Variants in UBR4 observed in about 807,000 individuals in gnomAD.
UBR4 encodes the protein ubiquitin protein ligase E3 component n-recognin 4.
In UBR4, 124 loss-of-function variants were observed where a neutral mutation model predicts 575.6. The ratio of observed to expected loss-of-function variants is 0.22; its 90% CI spans 0.19 to 0.25. The LOEUF (loss-of-function observed/expected upper bound fraction) is 0.25, where lower values mean the gene tolerates loss of function less well. Among genes scored for constraint, UBR4 ranks in the 10% least tolerant of loss-of-function variants. UBR4 has a pLI of 1.00. For synonymous variants in UBR4, 2,455 were observed against 2,473.7 expected, an observed-to-expected ratio of 0.99 and a Z score of 0.22; for missense variants, 4,818 against 6,478.8, an observed-to-expected ratio of 0.74 and a Z score of 8.80.
rs183016904 is a variant in UBR4, at chr1:19,134,739, T to C, written c.8906+3268A>G. ...CCTCCTCTGTGGACAGTGGGGAAGG[T>C]CTTCAAAGAGAACCTCACAGAAGAA... On this transcript the variant is annotated intron_variant, in intron 60 of 105. Transcript: ENST00000375254. 2.8e-3 allele frequency among the ~76,000 whole-genome samples: 420 copies of C among 151,798 alleles called. 2 individuals are homozygous for C. Among genetic ancestry groups the C allele is most frequent in the Non-Finnish European group, 4.2e-3 (282 of 67,920 alleles).
intron 55 of UBR4, among the ~76,000 whole-genome samples, chr1:19,143,303 A>AAAGG (rs1401417878): frequency 4.9e-5 from 6 of 122,478 alleles, no homozygotes; most frequent in Admixed American, 2.5e-4. Flanking sequence ...AGAAAGAAAG[A>AAAGG]AAGAAAGAAA....
At chr1:19,119,047 C>T in intron 70 of UBR4, 90 bp from the exon 71 acceptor site, 1 of 1,135,364 alleles carries the variant, frequency 8.8e-7, no homozygotes, top group African/African-American at 1.6e-5. Context: ...TAGCTGAATA[C>T]TGCCCTAGAC....
At chr1:19,086,337 G>A (rs1158574363) in intron 100 of UBR4, 67 bp from the exon 101 acceptor site, 8 of 798,998 alleles carry the variant, frequency 1.0e-5, no homozygotes, top group Non-Finnish European at 1.5e-5. Flanking sequence ...CACCTGGGCG[G>A]GGGGGCGGGG....
At chr1:19,133,273 TAAAC>T (rs1379075127) in intron 60 of UBR4, among the ~76,000 whole-genome samples, 1 of 152,062 alleles carries the variant, frequency 6.6e-6, no homozygotes, top group Non-Finnish European at 1.5e-5. Context: ...TCTATAACCT[TAAAC>T]AAAATAAAGA....
At position 19,094,138 on chromosome 1, in the gene UBR4, C is replaced by G; in HGVS notation, c.13748G>C (p.Gly4583Ala). Reference sequence around the variant, plus strand: ...CTTGTCACCTGTCAGGAGGAGGTTGCCCTGCAACAGAAAAGAGGGTGAACA... The same window carrying G: ...CTTGTCACCTGTCAGGAGGAGGTTGGCCTGCAACAGAAAAGAGGGTGAACA... ...SNAEPLSEDK[G>A]NLLLTGDKDQ... Residue 4583 changes from glycine to alanine, a missense_variant and splice_region_variant, in exon 95 of 106, where the codon GGC becomes GCC. Physicochemically the swap from Gly to Ala is moderately conservative, Grantham distance 60. Transcript: ENST00000375254. 2 of 1,611,628 alleles carry G rather than the reference C, an allele frequency of 1.2e-6. No individual in the cohort carries two copies. The highest frequency in any genetic ancestry group is 1.7e-6 in the Non-Finnish European group (2 of 1,179,008).
At position 19,168,062 on chromosome 1, in the gene UBR4, G is replaced by A; in HGVS notation, c.3864C>T (p.Leu1288=). Reference sequence around the variant, plus strand: ...CTCCAGTCAACCTGACCAGTGAGAGGAGGGTATGCTTCAGGGAAGCAGCCA... The same window carrying A: ...CTCCAGTCAACCTGACCAGTGAGAGAAGGGTATGCTTCAGGGAAGCAGCCA... ...LPLAASLKHT[L]LSLVRLTGDL... The change falls in exon 28 of 106, where the codon CTC becomes CTT. Residue 1288 remains leucine (L), a synonymous_variant. Coordinates refer to ENST00000375254, the MANE Select transcript of UBR4 (RefSeq NM_020765.3). The A allele has an allele frequency of 6.2e-7, 1 of 1,613,712 alleles. No homozygotes were observed. The highest frequency in any genetic ancestry group is 8.5e-7 in the Non-Finnish European group (1 of 1,179,674).
chr1:19,207,866 G>T (rs2093087279), intron 1 of UBR4, among the ~76,000 whole-genome samples: 1 of 152,120 alleles, frequency 6.6e-6, no homozygotes, highest in African/African-American at 2.4e-5. Context: ...TTTAAACACA[G>T]CCATGCCCAT....
At chr1:19,115,756 AG>A in intron 73 of UBR4, 119 bp from the exon 74 acceptor site, 2 of 1,459,212 alleles carry the variant, frequency 1.4e-6, no homozygotes, top group East Asian at 2.3e-5. Context: ...GGTTACTCTA[AG>A]GAAAAGAAAT....
rs1245044389 is a variant in UBR4 at position 19,101,769 on chromosome 1, G to T, written c.12902-128C>A. On this transcript the variant is annotated intron_variant, in intron 87 of 105. Transcript: ENST00000375254. ...GGTAAGTCTTTAAATGCCCTACATG[G>T]CAATATCAATAGTTCAAATTGGAAA... The T allele has an allele frequency of 3.6e-6, 5 of 1,403,734 alleles. No homozygotes were observed. In the African/African-American group the frequency reaches 4.3e-5, roughly 12 times the overall value. 87.0% of individuals were successfully genotyped at this position (1,403,734 alleles called of 1,614,324 possible).
intron 25 of UBR4, 144 bp downstream of exon 25, chr1:19,172,720 C>T: frequency 2.7e-6 from 2 of 748,624 alleles, no homozygotes; most frequent in Non-Finnish European, 4.3e-6. Context: ...TCAAGCACCC[C>T]TTCATACTAG....
chr1:19,097,096 T>A, intron 91 of UBR4, 97 bp downstream of exon 91: 1 of 973,058 alleles, frequency 1.0e-6, no homozygotes, highest in Non-Finnish European at 1.5e-6. Context: ...GATGCAGAGG[T>A]ACAAGAGAGA....
intron 1 of UBR4, 90 bp downstream of exon 1, chr1:19,209,983 G>A (rs1037837216): frequency 1.4e-6 from 2 of 1,394,648 alleles, no homozygotes; most frequent in African/African-American, 1.5e-5. Context: ...CAAGGGGGCA[G>A]GGGGCGGCCC....
At chr1:19,171,631 G>A (rs557127916) in intron 25 of UBR4, among the ~76,000 whole-genome samples, 12 of 151,894 alleles carry the variant, frequency 7.9e-5, no homozygotes, top group East Asian at 3.9e-4. Context: ...ACCTGAGGTC[G>A]GGAGTTCAAG....
intron 60 of UBR4, among the ~76,000 whole-genome samples, chr1:19,131,537 C>T (rs541965560): frequency 6.6e-6 from 1 of 152,200 alleles, no homozygotes; most frequent in African/African-American, 2.4e-5. Flanking sequence ...TAAGATATAA[C>T]ACCATTTTAG....
intron 51 of UBR4, among the ~76,000 whole-genome samples, 174 bp downstream of exon 51, chr1:19,147,819 C>T (rs886391211): frequency 5.3e-5 from 8 of 152,172 alleles, no homozygotes; most frequent in East Asian, 1.9e-4. Flanking sequence ...GGCTTACCCT[C>T]GGTTTTGAGT....
chr1:19,110,705 G>A lies in UBR4; in HGVS notation c.11892+37C>T, dbSNP rs773212949. 1.2e-6 allele frequency: 2 copies of A among 1,604,994 alleles called. No homozygotes were observed. Among genetic ancestry groups the A allele is most frequent in the Non-Finnish European group, 1.7e-6 (2 of 1,172,182 alleles). ...AGAAACACAAGGCATGTGAGGGGAA[G>A]TCAGAGAGGACAGCTGGGCCTGCTA... On this transcript the variant is annotated intron_variant, in intron 79 of 105. Transcript: ENST00000375254. This position sits in a 1 kb window ranked among gnomAD's most constrained non-coding sequence, Gnocchi z 4.5.
chr1:19,165,912 G>A (rs1045573192), intron 29 of UBR4, among the ~76,000 whole-genome samples, 155 bp from the exon 30 acceptor site: 1 of 152,202 alleles, frequency 6.6e-6, no homozygotes, highest in East Asian at 1.9e-4. Context: ...CTGGCACAAA[G>A]TAGGTGTTCA....
At chr1:19,197,371 A>G (rs1261640898) in intron 7 of UBR4, 106 bp from the exon 8 acceptor site, 10 of 1,493,818 alleles carry the variant, frequency 6.7e-6, no homozygotes, top group African/African-American at 2.8e-5. Context: ...GCTCACGCCT[A>G]TAATTCCGAC....
intron 89 of UBR4, among the ~76,000 whole-genome samples, chr1:19,099,913 C>T (rs1196145451): frequency 6.6e-6 from 1 of 152,128 alleles, no homozygotes; most frequent in Non-Finnish European, 1.5e-5. Flanking sequence ...CTTAGACACA[C>T]CCACCGGGGA....
Sources: gnomAD v4.1 joint callset for allele counts (sites outside exome capture counted in the v4.1 genomes callset) on GRCh38, gnomAD v4.1.1 for gene constraint, Gnocchi (gnomAD v3.1) non-coding constraint, MANE v1.5 for transcripts, NCBI Gene and HGNC (gene_info 2026-07-23, HGNC 2026-07-21) for gene names.